FGD6: variants seen among roughly 807,000 people sequenced by gnomAD.
FGD6 encodes the protein FYVE, RhoGEF and PH domain containing 6, also known as FYVE, RhoGEF and PH domain-containing protein 6.
Under a neutral mutation model 149.4 loss-of-function variants are expected in FGD6, and 90 were observed. That is an observed-to-expected ratio of 0.60 (90% CI 0.51 to 0.72). FGD6 has a LOEUF of 0.72. Ranked by LOEUF, FGD6 falls within the 30% of genes least tolerant of loss-of-function variation. FGD6 has a pLI of 0.00. For synonymous variants in FGD6, 527 were observed against 584.0 expected, an observed-to-expected ratio of 0.90 and a Z score of 1.41; for missense variants, 1,437 against 1,684.8, an observed-to-expected ratio of 0.85 and a Z score of 2.57.
intron 2 of FGD6, among the ~76,000 whole-genome samples, chr12:95,182,934 C>A (rs1262750116): frequency 6.6e-6 from 1 of 152,226 alleles, no homozygotes; most frequent in Non-Finnish European, 1.5e-5. Context: ...GCTGTACACA[C>A]CCCTTTGCTT....
chr12:95,177,032 T>G (rs1343237880), intron 2 of FGD6, among the ~76,000 whole-genome samples: 1 of 152,118 alleles, frequency 6.6e-6, no homozygotes, highest in Non-Finnish European at 1.5e-5. Flanking sequence ...TTCACCATGT[T>G]GGCCAGGCTG....
intron 8 of FGD6, among the ~76,000 whole-genome samples, chr12:95,134,266 TACTATTCTAAGC>T (rs1282883156): frequency 6.6e-6 from 1 of 152,070 alleles, no homozygotes; most frequent in Non-Finnish European, 1.5e-5. Flanking sequence ...CCAGCTACGG[TACTATTCTAAGC>T]ACTGTCCACA....
chr12:95,136,081 T>C (rs6538604), intron 7 of FGD6, among the ~76,000 whole-genome samples: 134,323 of 151,964 alleles, frequency 0.88, 59,748 homozygotes, highest in East Asian at 0.97. Flanking sequence ...TCATTTTGGT[T>C]GGGTGAGGTG....
chr12:95,089,332 C>G lies in FGD6; in HGVS notation c.3978+237G>C, dbSNP rs988718115. On this transcript the variant is annotated intron_variant, in intron 18 of 20. Transcript: ENST00000343958. Reference sequence around the variant, plus strand: ...TGTGTGTCCAACTTATCTTTACTTTCTATCACTGCTATTAAATGTTCTCTA... The same window carrying G: ...TGTGTGTCCAACTTATCTTTACTTTGTATCACTGCTATTAAATGTTCTCTA... 1.2e-4 allele frequency among the ~76,000 whole-genome samples: 19 copies of G among 152,320 alleles called. 4 individuals carry two copies. The highest frequency in any genetic ancestry group is 7.2e-4 in the Admixed American group (11 of 15,300).
chr12:95,217,152 A>AGTT, intron 1 of FGD6, 73 bp downstream of exon 1: 1 of 1,601,166 alleles, frequency 6.2e-7, no homozygotes, highest in Non-Finnish European at 8.5e-7. Context: ...CGGCGAAGAA[A>AGTT]GTTGCTCGCG....
intron 2 of FGD6, among the ~76,000 whole-genome samples, chr12:95,192,388 T>C (rs1484785186): frequency 1.3e-5 from 2 of 152,214 alleles, no homozygotes; most frequent in African/African-American, 2.4e-5. Flanking sequence ...AAAATCAATA[T>C]AGTAAATGTT....
At chr12:95,172,193 T>C (rs979618730) in intron 3 of FGD6, among the ~76,000 whole-genome samples, 4 of 152,040 alleles carry the variant, frequency 2.6e-5, no homozygotes, top group Non-Finnish European at 4.4e-5. Flanking sequence ...CTGGCCAACA[T>C]AGTGAAACCC....
chr12:95,100,683 C>T, intron 14 of FGD6: 1 of 538,916 alleles, frequency 1.9e-6, no homozygotes, highest in South Asian at 1.4e-5. Context: ...CACCAGAATT[C>T]ACCAAGAGCA....
intron 8 of FGD6, among the ~76,000 whole-genome samples, chr12:95,131,646 A>G (rs943375632): frequency 2.6e-5 from 4 of 152,198 alleles, no homozygotes; most frequent in Non-Finnish European, 5.9e-5. Context: ...AAGAAAAGGC[A>G]TAGGATGAAG....
chr12:95,172,601 T>C lies in FGD6; in HGVS notation c.2585A>G (p.Gln862Arg). 6.2e-7 allele frequency: 1 copy of C among 1,604,650 alleles called. No individual in the cohort carries two copies. ...AAGCAATTAAGTACCAAAGTATACC[T>C]GTTTATCTTCCAGTGGGTCAGGCTC... ...KGEPDPLEDK[Q>R]DEDNGMKSKV... The change falls in exon 3 of 21, where the codon CAG becomes CGG. Residue 862 changes from glutamine to arginine, a missense_variant and splice_region_variant. This residue lies in a region of FGD6 where 1,055 missense variants were observed against 1,146.0 expected (regional missense o/e 0.92). Transcript: ENST00000343958.
intron 2 of FGD6, among the ~76,000 whole-genome samples, chr12:95,197,281 T>G (rs571091307): frequency 6.6e-6 from 1 of 151,880 alleles, no homozygotes; most frequent in Non-Finnish European, 1.5e-5. Context: ...CTACTAAAAA[T>G]ACAAAAATTA....
chr12:95,101,681 CTTTTTT>C (rs757955014), intron 14 of FGD6, among the ~76,000 whole-genome samples: 7 of 107,816 alleles, frequency 6.5e-5, no homozygotes, highest in Admixed American at 3.5e-4. Flanking sequence ...TTTGAACTTT[CTTTTTT>C]TTTTTTTTTT....
rs2056706248 is a variant in FGD6 at position 95,208,850 on chromosome 12, G to A, written c.2434C>T (p.His812Tyr). The A allele has an allele frequency of 2.5e-6, 4 of 1,611,448 alleles. No individual in the cohort carries two copies. Among genetic ancestry groups the A allele is most frequent in the Admixed American group, 1.7e-5 (1 of 59,824 alleles). The change falls in exon 2 of 21, where the codon CAT (histidine) becomes TAT (tyrosine). Residue 812 changes from histidine to tyrosine, a missense_variant. This residue lies in a region of FGD6 where 1,055 missense variants were observed against 1,146.0 expected (regional missense o/e 0.92). Coordinates refer to ENST00000343958, the MANE Select transcript of FGD6 (RefSeq NM_018351.4). ...GQLQLGPRHQ[H>Y]SSSGASQEEQ... ...CTGTCTGGCACCTGTTACCTGGAAT[G>A]CTGATGTCTGGGTCCAAGCTGCAGC...
intron 17 of FGD6, among the ~76,000 whole-genome samples, chr12:95,090,504 A>G (rs1878018496): frequency 6.6e-6 from 1 of 152,182 alleles, no homozygotes. Context: ...GGATGGAGAA[A>G]TCAAGACAAA....
intron 6 of FGD6, among the ~76,000 whole-genome samples, chr12:95,139,870 C>CAAGTG (rs1182653387): frequency 6.6e-6 from 1 of 152,078 alleles, no homozygotes; most frequent in East Asian, 1.9e-4. Flanking sequence ...CTCCTGACCT[C>CAAGTG]AAGTGACCCA....
Position 95,217,363 on chromosome 12 carries a change from G to A in FGD6, c.-123C>T, listed in dbSNP as rs2056842109. On this transcript the variant is annotated 5_prime_UTR_variant, in exon 1 of 21. Coordinates refer to ENST00000343958, the MANE Select transcript of FGD6 (RefSeq NM_018351.4). The stretch of plus-strand genomic sequence containing the variant: ...CGCAGCGCCCACATTCCGTCCCGCC[G>A]CCCCGCGGCGCAGCCTGAGCGCCAC... 3 of 1,346,394 alleles carry A rather than the reference G, an allele frequency of 2.2e-6. No individual in the cohort carries two copies. Among genetic ancestry groups the A allele is most frequent in the Admixed American group, 6.6e-5 (2 of 30,330 alleles). The allele number at this position is 1,346,394 out of a possible 1,614,324, so 83.4% of individuals were successfully genotyped here.
chr12:95,140,622 GA>G (rs917140163), intron 6 of FGD6, among the ~76,000 whole-genome samples: 14 of 148,348 alleles, frequency 9.4e-5, no homozygotes, highest in African/African-American at 2.7e-4. Context: ...CATCTCAAAA[GA>G]AAAAAAAAAT....
intron 2 of FGD6, among the ~76,000 whole-genome samples, chr12:95,203,169 G>A (rs960669285): frequency 1.2e-4 from 18 of 152,132 alleles, no homozygotes; most frequent in African/African-American, 4.1e-4. Flanking sequence ...AATTTAAAAT[G>A]GGGAGAAACA....
chr12:95,199,261 G>T (rs1272127058), intron 2 of FGD6, among the ~76,000 whole-genome samples: 1 of 152,104 alleles, frequency 6.6e-6, no homozygotes, highest in Non-Finnish European at 1.5e-5. Flanking sequence ...TGAGTGAAGA[G>T]ACTTTACTGC....
Sources: allele counts gnomAD v4.1 joint callset (sites outside exome capture counted in the v4.1 genomes callset), GRCh38; gene constraint gnomAD v4.1.1; regional missense constraint gnomAD v4.1.1; transcripts MANE v1.5; gene names NCBI Gene and HGNC (gene_info 2026-07-23, HGNC 2026-07-21).